The following SNX30 variants were observed in gnomAD, a reference collection of about 807,000 sequenced individuals.
SNX30 encodes the protein sorting nexin family member 30, also known as sorting nexin-30.
Under a neutral mutation model 46.4 loss-of-function variants are expected in SNX30, and 24 were observed. The observed-to-expected ratio is 0.52, with a 90% CI of 0.37 to 0.73. SNX30 has a LOEUF of 0.73. Among genes scored for constraint, SNX30 ranks in the 30% least tolerant of loss-of-function variants. The probability of loss-of-function intolerance (pLI) is 0.00; values close to 1 mark genes in which losing one functional copy is unlikely to be tolerated. For missense variants in SNX30, 533 were observed against 555.7 expected, an observed-to-expected ratio of 0.96 and a Z score of 0.41; for synonymous variants, 189 against 211.5, an observed-to-expected ratio of 0.89 and a Z score of 0.92.
At chr9:112,776,621 C>T (rs1443787123) in intron 1 of SNX30, among the ~76,000 whole-genome samples, 4 of 152,350 alleles carry the variant, frequency 2.6e-5, no homozygotes, top group Middle Eastern at 3.4e-3. Context: ...TGTAGCCACA[C>T]GCTCATGTCT....
chr9:112,789,992 C>T (rs1485686485), intron 1 of SNX30, among the ~76,000 whole-genome samples: 1 of 152,186 alleles, frequency 6.6e-6, no homozygotes, highest in Non-Finnish European at 1.5e-5. Context: ...ACACATAAAA[C>T]TGTTCAGGGG....
chr9:112,851,762 AG>A (rs35129760), intron 7 of SNX30, among the ~76,000 whole-genome samples: 21,327 of 152,144 alleles, frequency 0.14, 1,654 homozygotes, highest in Middle Eastern at 0.18. Context: ...TTTGGTGGGT[AG>A]GGGCTTAGGA....
At chr9:112,811,674 T>C (rs1409955340) in intron 2 of SNX30, among the ~76,000 whole-genome samples, 1 of 152,190 alleles carries the variant, frequency 6.6e-6, no homozygotes, top group East Asian at 1.9e-4. Context: ...ATTCTTGTGC[T>C]TGGTCACCTG....
chr9:112,853,744 C>T lies in SNX30; in HGVS notation c.1101+2799C>T, dbSNP rs1841071711. ...GGAAATCGTGGTCAAAAGGTACAAA[C>T]TTTCAGTTACAAGGTGAACAAAATC... On this transcript the variant is annotated intron_variant, in intron 7 of 8. Coordinates refer to ENST00000374232, the MANE Select transcript of SNX30 (RefSeq NM_001012994.2). Among the ~76,000 whole-genome samples, 5 of 152,180 alleles carry T rather than the reference C, an allele frequency of 3.3e-5. No individual in the cohort carries two copies. The South Asian group carries it at 1.0e-3, about 32-fold the overall frequency.
In SNX30 at chr9:112,852,963, G is replaced by A. The variant is rs186727506; in HGVS notation, c.1101+2018G>A. Among the ~76,000 whole-genome samples, 427 of 152,272 alleles carry A rather than the reference G, an allele frequency of 2.8e-3. 2 individuals are homozygous for A. The highest frequency in any genetic ancestry group is 9.8e-3 in the African/African-American group (408 of 41,550). On this transcript the variant is annotated intron_variant, in intron 7 of 8. Coordinates refer to ENST00000374232, the MANE Select transcript of SNX30 (RefSeq NM_001012994.2). ...CAGAAATGACACACCTTGGCTTTTT[G>A]TAGTGTCCTTAATGTTAATTGCATC...
intron 7 of SNX30, among the ~76,000 whole-genome samples, chr9:112,857,168 A>T (rs1045230122): frequency 2.6e-5 from 4 of 152,118 alleles, no homozygotes; most frequent in Admixed American, 1.3e-4. Flanking sequence ...GGCAAGCTCG[A>T]GGATCTCTTG....
At chr9:112,813,655 G>A (rs895967185) in intron 2 of SNX30, among the ~76,000 whole-genome samples, 1 of 151,892 alleles carries the variant, frequency 6.6e-6, no homozygotes, top group African/African-American at 2.4e-5. Flanking sequence ...TGTATTTTTA[G>A]TAGAGACAGG....
chr9:112,825,480 G>T (rs1430444291), intron 3 of SNX30, among the ~76,000 whole-genome samples: 4 of 152,010 alleles, frequency 2.6e-5, no homozygotes, highest in Admixed American at 6.6e-5. Context: ...TTTTTGTAGA[G>T]ATGGGGTCTT....
At chr9:112,775,578 G>GTGTGTGTGTT (rs969942512) in intron 1 of SNX30, among the ~76,000 whole-genome samples, 1 of 148,504 alleles carries the variant, frequency 6.7e-6, no homozygotes, top group Non-Finnish European at 1.5e-5. Flanking sequence ...GTGTGTGTGT[G>GTGTGTGTGTT]TGTGTGTGTA....
chr9:112,865,641 A>ATGTGTGTGTGTG lies in SNX30; in HGVS notation c.1254+1243_1254+1244insGTGTGTGTGTGT, dbSNP rs1588143585. 2.6e-5 allele frequency among the ~76,000 whole-genome samples: 3 copies of ATGTGTGTGTGTG among 116,352 alleles called. No homozygotes were observed. The East Asian group carries it at 7.5e-4, about 29-fold the overall frequency. 76.3% of individuals were successfully genotyped at this position (116,352 alleles called of 152,430 possible). A position where few individuals can be genotyped will look rare whatever the true frequency, so the allele number is the denominator to read the frequency against. On this transcript the variant is annotated intron_variant, in intron 8 of 8. Transcript: ENST00000374232. The stretch of plus-strand genomic sequence containing the variant: ...TGTCACGCCATATATATATATATAT[A>ATGTGTGTGTGTG]TATATATATATATATATATATGTAT...
chr9:112,819,975 A>G (rs1840467514), intron 3 of SNX30, among the ~76,000 whole-genome samples: 1 of 152,182 alleles, frequency 6.6e-6, no homozygotes, highest in African/African-American at 2.4e-5. Context: ...GTCACTGTTT[A>G]TTTATAGCCC....
chr9:112,877,452 G>A (rs1841531431), downstream of SNX30: 1 of 152,240 alleles, frequency 6.6e-6, no homozygotes, highest in African/African-American at 2.4e-5. Context: ...GAGTAAGGGT[G>A]GAGAGGTTGA....
At chr9:112,828,525 A>G (rs1345148238) in intron 3 of SNX30, among the ~76,000 whole-genome samples, 1 of 152,118 alleles carries the variant, frequency 6.6e-6, no homozygotes, top group African/African-American at 2.4e-5. Flanking sequence ...ATAAAGTTAA[A>G]CAAGCTCAAC....
intron 2 of SNX30, among the ~76,000 whole-genome samples, chr9:112,807,639 A>C (rs1000329600): frequency 2.6e-5 from 4 of 152,244 alleles, no homozygotes; most frequent in African/African-American, 9.6e-5. Context: ...TGCTGTAAAC[A>C]GCCAAATGAC....
chr9:112,796,479 T>C (rs1447391079), intron 1 of SNX30, among the ~76,000 whole-genome samples: 1 of 152,198 alleles, frequency 6.6e-6, no homozygotes, highest in African/African-American at 2.4e-5. Context: ...CATCAGTGGC[T>C]GCTGCTGTAG....
chr9:112,787,065 A>G (rs578250692), intron 1 of SNX30, among the ~76,000 whole-genome samples: 1 of 152,210 alleles, frequency 6.6e-6, no homozygotes, highest in Non-Finnish European at 1.5e-5. Context: ...CCAGGTAGCC[A>G]GTCAGGTGGC....
At chr9:112,863,941 A>G (rs942456942) in intron 7 of SNX30, among the ~76,000 whole-genome samples, 7 of 152,208 alleles carry the variant, frequency 4.6e-5, no homozygotes, top group African/African-American at 1.7e-4. Flanking sequence ...AAAGGAACCA[A>G]AGACATATGA....
At chr9:112,865,148 T>C (rs1304158902) in intron 8 of SNX30, among the ~76,000 whole-genome samples, 1 of 53,110 alleles carries the variant, frequency 1.9e-5, no homozygotes, top group Non-Finnish European at 3.4e-5. Flanking sequence ...ACACCCCACA[T>C]ACACACCCCA....
At chr9:112,809,834 T>A (rs1209087279) in intron 2 of SNX30, among the ~76,000 whole-genome samples, 2 of 151,394 alleles carry the variant, frequency 1.3e-5, no homozygotes, top group Admixed American at 1.3e-4. Context: ...AGAGCAGTGG[T>A]CAGAAGTGGG....
Sources: allele counts gnomAD v4.1 joint callset (sites outside exome capture counted in the v4.1 genomes callset), GRCh38; gene constraint gnomAD v4.1.1; transcripts MANE v1.5; gene names NCBI Gene and HGNC (gene_info 2026-07-23, HGNC 2026-07-21).